Variants in TIAM1 observed in about 807,000 individuals in gnomAD.
The protein encoded by TIAM1 is rho guanine nucleotide exchange factor TIAM1.
Under a neutral mutation model 163.5 loss-of-function variants are expected in TIAM1, and 65 were observed. The ratio of observed to expected loss-of-function variants is 0.40; its 90% confidence interval spans 0.33 to 0.49. The LOEUF (loss-of-function observed/expected upper bound fraction) is 0.49, where lower values mean the gene tolerates loss of function less well. Ranked by LOEUF, TIAM1 falls within the 20% of genes least tolerant of loss-of-function variation. The pLI, the probability that TIAM1 is intolerant of heterozygous loss-of-function variation, is 0.77. For missense variants in TIAM1, 1,789 were observed against 2,044.7 expected (o/e 0.87, Z 2.41); for synonymous variants, 833 against 810.1 (o/e 1.03, Z -0.48).
At chr21:31,183,997 G>A (rs1014908754) in intron 14 of TIAM1, among the ~76,000 whole-genome samples, 1 of 152,106 alleles carries the variant, frequency 6.6e-6, no homozygotes, top group African/African-American at 2.4e-5. Flanking sequence ...TGCCCAGGCT[G>A]GAGTGCAGTG....
At chr21:31,490,782 T>C (rs934515542) in intron 1 of TIAM1, among the ~76,000 whole-genome samples, 3 of 152,200 alleles carry the variant, frequency 2.0e-5, no homozygotes, top group East Asian at 1.9e-4. Context: ...TTGTTGCAAT[T>C]ACTGGCAGTG....
chr21:31,125,659 C>T (rs913956871), intron 26 of TIAM1, among the ~76,000 whole-genome samples: 3 of 152,244 alleles, frequency 2.0e-5, no homozygotes, highest in Non-Finnish European at 4.4e-5. Context: ...ATTGCAACCT[C>T]CACCTCCCAG....
At chr21:31,274,737 C>G (rs1477153995) in intron 3 of TIAM1, among the ~76,000 whole-genome samples, 1 of 152,206 alleles carries the variant, frequency 6.6e-6, no homozygotes. Context: ...TTCTTCTCAT[C>G]TTCCAGAATT....
In TIAM1 at chr21:31,133,387, G is replaced by A. The variant is rs143950944; in HGVS notation, c.3884-2439C>T. On this transcript the variant is annotated intron_variant, in intron 23 of 27. Coordinates refer to ENST00000541036, the MANE Select transcript of TIAM1 (RefSeq NM_001353694.2). ...AGCCCCTATTGAGTTTGCTGACAGT[G>A]TGATGCCCATGAAGCTGGAGTATGC... Among the ~76,000 whole-genome samples, 9 of 152,290 alleles carry A rather than the reference G, an allele frequency of 5.9e-5. No individual in the cohort carries two copies. In the East Asian group the frequency reaches 1.7e-3, roughly 29 times the overall value.
upstream of TIAM1, among the ~76,000 whole-genome samples, chr21:31,349,036 T>G (rs1259243907): frequency 6.6e-6 from 1 of 152,236 alleles, no homozygotes; most frequent in Non-Finnish European, 1.5e-5. Context: ...GCAGGGACTG[T>G]GTGGCAAATT....
At chr21:31,332,969 T>C (rs997968317) in intron 2 of TIAM1, among the ~76,000 whole-genome samples, 1 of 151,890 alleles carries the variant, frequency 6.6e-6, no homozygotes, top group Admixed American at 6.5e-5. Flanking sequence ...CATGGTGATG[T>C]ATGACTGCAG....
intron 1 of TIAM1, among the ~76,000 whole-genome samples, chr21:31,552,045 C>T (rs1415699181): frequency 7.7e-6 from 1 of 129,592 alleles, no homozygotes; most frequent in Non-Finnish European, 1.6e-5. Context: ...TTACTCTGCA[C>T]TACTTTTTTT....
At chr21:31,164,843 A>G in intron 16 of TIAM1, 119 bp downstream of exon 16, 4 of 986,306 alleles carry the variant, frequency 4.1e-6, no homozygotes, top group Non-Finnish European at 6.0e-6. Context: ...ACATCTCAGA[A>G]GCAAAAACAC....
At chr21:31,465,593 C>T (rs1420453719) in intron 1 of TIAM1, among the ~76,000 whole-genome samples, 3 of 147,838 alleles carry the variant, frequency 2.0e-5, no homozygotes, top group African/African-American at 5.0e-5. Flanking sequence ...TTTTTTGAGA[C>T]GGAGTCTCGC....
rs148830569 is a variant in TIAM1, at chr21:31,417,025, T to G, written c.-369+46958A>C. The stretch of plus-strand genomic sequence containing the variant: ...TTATTTTATTTTATTGTATTTCATT[T>G]TATTTTATTTTTTTGAGACAGAGTT... On this transcript the variant is annotated intron_variant, in intron 2 of 28. Transcript: ENST00000286827. 6.3e-3 allele frequency among the ~76,000 whole-genome samples: 953 copies of G among 152,338 alleles called. 1 individual carries two copies. The highest frequency in any genetic ancestry group is 0.02 in the Middle Eastern group (6 of 294).
At chr21:31,169,398 T>C (rs1211972720) in intron 15 of TIAM1, among the ~76,000 whole-genome samples, 2 of 152,054 alleles carry the variant, frequency 1.3e-5, no homozygotes, top group Non-Finnish European at 2.9e-5. Flanking sequence ...CTATAACCAA[T>C]GAAATGAACA....
At chr21:31,370,859 C>G (rs1028564591) in intron 2 of TIAM1, among the ~76,000 whole-genome samples, 1 of 152,190 alleles carries the variant, frequency 6.6e-6, no homozygotes, top group Non-Finnish European at 1.5e-5. Context: ...ATAGAAAGAT[C>G]TGGCAGCAGT....
chr21:31,126,777 A>AG (rs945837406), intron 26 of TIAM1, among the ~76,000 whole-genome samples: 1 of 152,118 alleles, frequency 6.6e-6, no homozygotes, highest in African/African-American at 2.4e-5. Context: ...GCAGGGTAGA[A>AG]GAAAAACAAC....
In TIAM1 at chr21:31,423,787, G is replaced by A. The variant is rs562263066; in HGVS notation, c.-369+40196C>T. The stretch of plus-strand genomic sequence containing the variant: ...AGTCACAAAAGACCACACATTTTAT[G>A]ATCCCATTTATATGAAACGTCCGGA... On this transcript the variant is annotated intron_variant, in intron 2 of 28. Transcript: ENST00000286827. Among the ~76,000 whole-genome samples the A allele has an allele frequency of 5.7e-5, 7 of 123,866 alleles. No individual in the cohort carries two copies. In the South Asian group the frequency reaches 1.8e-3, roughly 31 times the overall value. 81.3% of individuals were successfully genotyped at this position (123,866 alleles called of 152,430 possible).
chr21:31,487,773 G>A (rs2046326046), intron 1 of TIAM1, among the ~76,000 whole-genome samples: 1 of 151,704 alleles, frequency 6.6e-6, no homozygotes, highest in Non-Finnish European at 1.5e-5. Context: ...TAGCCAGGAT[G>A]GTCTCGATCT....
At chr21:31,430,385 C>T (rs1285937080) in intron 2 of TIAM1, among the ~76,000 whole-genome samples, 1 of 151,258 alleles carries the variant, frequency 6.6e-6, no homozygotes, top group Non-Finnish European at 1.5e-5. Flanking sequence ...CTAAGTAAAC[C>T]CCAGTGCAGC....
chr21:31,541,930 G>C (rs2048334631), intron 1 of TIAM1, among the ~76,000 whole-genome samples: 5 of 152,190 alleles, frequency 3.3e-5, no homozygotes, highest in Admixed American at 3.3e-4. Context: ...TAGAAAAATA[G>C]GTTGGGAAAG....
intron 4 of TIAM1, among the ~76,000 whole-genome samples, chr21:31,261,277 T>TTC (rs1555909326): frequency 2.2e-4 from 33 of 150,984 alleles, no homozygotes; most frequent in African/African-American, 7.4e-4. Flanking sequence ...TTTTTTTTTT[T>TTC]GTATCTGTAC....
intron 2 of TIAM1, among the ~76,000 whole-genome samples, chr21:31,442,070 A>AATAAATAAATAAATATATATATATATAT (rs370046459): frequency 1.9e-5 from 1 of 53,244 alleles, no homozygotes; most frequent in African/African-American, 6.7e-5. Flanking sequence ...CAAATAAATA[A>AATAAATAAATAAATATATATATATATAT]ATATATATAT....
Sources: allele counts gnomAD v4.1 joint callset (sites outside exome capture counted in the v4.1 genomes callset), GRCh38; gene constraint gnomAD v4.1.1; transcripts MANE v1.5; gene names NCBI Gene and HGNC (gene_info 2026-07-23, HGNC 2026-07-21).